The following RAB40B variants were observed in gnomAD, a reference collection of about 807,000 sequenced individuals.
RAB40B encodes ras-related protein Rab-40B.
A neutral mutation model predicts 24.0 loss-of-function variants in RAB40B; 21 were observed. The observed-to-expected ratio is 0.88, with a 90% CI of 0.62 to 1.26. RAB40B has a LOEUF of 1.26. RAB40B is among the 50% of genes most tolerant of loss of function. The pLI, the probability that RAB40B is intolerant of heterozygous loss-of-function variation, is 0.00. For missense variants in RAB40B, 348 were observed against 390.5 expected, an observed-to-expected ratio of 0.89 and a Z score of 0.92; for synonymous variants, 167 against 169.8, an observed-to-expected ratio of 0.98 and a Z score of 0.13.
intron 4 of RAB40B, chr17:82,658,914 A>G: frequency 1.8e-6 from 1 of 563,934 alleles, no homozygotes; most frequent in Non-Finnish European, 3.2e-6. Context: ...GCCCTCATCT[A>G]ATGACTGGTG....
rs1292439372 is a variant in RAB40B at position 82,675,777 on chromosome 17, T to C, written c.143-11221A>G. ...ACCTAATCATCTTCCAATAGCCCCA[T>C]CTTCTAACACCATCACCTTGGGGTT... On this transcript the variant is annotated intron_variant, in intron 1 of 5. Coordinates refer to ENST00000571995, the MANE Select transcript of RAB40B (RefSeq NM_006822.3). This position sits in a 1 kb window ranked among gnomAD's most constrained non-coding sequence, Gnocchi z 4.5. Among the ~76,000 whole-genome samples the C allele has an allele frequency of 6.6e-6, 1 of 152,162 alleles. No homozygotes were observed. The highest frequency in any genetic ancestry group is 1.5e-5 in the Non-Finnish European group (1 of 68,024).
intron 3 of RAB40B, 76 bp from the exon 4 acceptor site, chr17:82,659,733 C>A: frequency 8.8e-7 from 1 of 1,140,850 alleles, no homozygotes; most frequent in Non-Finnish European, 1.3e-6. Flanking sequence ...CAAAGACATA[C>A]AACTAAATAA....
intron 2 of RAB40B, 172 bp from the exon 3 acceptor site, chr17:82,661,219 G>T (rs770216642): frequency 2.2e-6 from 3 of 1,379,566 alleles, no homozygotes; most frequent in Non-Finnish European, 1.9e-6. Flanking sequence ...GGATCCGGGT[G>T]TTGGGATGTC....
chr17:82,658,775 A>G, intron 4 of RAB40B, 62 bp from the exon 5 acceptor site: 3 of 1,468,388 alleles, frequency 2.0e-6, no homozygotes, highest in South Asian at 2.5e-5. Flanking sequence ...TTGTCGTCGT[A>G]ATGTGGGTGC....
intron 3 of RAB40B, chr17:82,659,877 G>A (rs2046139999): frequency 1.9e-6 from 1 of 532,844 alleles, no homozygotes; most frequent in Non-Finnish European, 3.4e-6. Flanking sequence ...CTGGGGACTA[G>A]AACTCACACC....
chr17:82,670,831 C>A (rs188771682), intron 1 of RAB40B, among the ~76,000 whole-genome samples: 12 of 152,124 alleles, frequency 7.9e-5, no homozygotes, highest in Admixed American at 2.0e-4. Context: ...CCGCGCCCGG[C>A]TTCCTGATGG....
chr17:82,676,018 G>A (rs575241712), intron 1 of RAB40B, among the ~76,000 whole-genome samples: 2 of 152,208 alleles, frequency 1.3e-5, no homozygotes, highest in South Asian at 2.1e-4. Flanking sequence ...AAGCACAGAC[G>A]CTGCAGCCTG....
At position 82,680,142 on chromosome 17, in the gene RAB40B, C is replaced by T. The variant is rs573369336; in HGVS notation, c.143-15586G>A. Among the ~76,000 whole-genome samples, 17 of 152,322 alleles carry T rather than the reference C, an allele frequency of 1.1e-4. No homozygotes were observed. In the East Asian group the frequency reaches 2.1e-3, roughly 19 times the overall value. On this transcript the variant is annotated intron_variant, in intron 1 of 5. Transcript: ENST00000571995. ...CTCAGACCGGAGGCCTGGCAGGGTT[C>T]GAGGGCTCAACTCAGGCGGGCCCGG...
At chr17:82,662,332 G>A (rs576567734) in intron 2 of RAB40B, 3 of 985,496 alleles carry the variant, frequency 3.0e-6, no homozygotes, top group East Asian at 1.1e-4. Context: ...AGCTATGGTC[G>A]AGGAGGCAGC....
At chr17:82,691,198 T>G (rs2046554257) in intron 1 of RAB40B, among the ~76,000 whole-genome samples, 1 of 152,222 alleles carries the variant, frequency 6.6e-6, no homozygotes, top group Non-Finnish European at 1.5e-5. Flanking sequence ...TGAGGGTTAT[T>G]ATTATTAGCT....
Position 82,657,285 on chromosome 17 carries a change from C to A in RAB40B, c.*578G>T, listed in dbSNP as rs2046093975. ...AACTGTAGATTTACAGAAAAATATG[C>A]ATATAAATCACTTATTAATCCCAAA... On this transcript the variant is annotated 3_prime_UTR_variant, in exon 6 of 6. Coordinates refer to ENST00000571995, the MANE Select transcript of RAB40B (RefSeq NM_006822.3). 5.6e-6 allele frequency: 1 copy of A among 178,218 alleles called. No individual in the cohort carries two copies. The highest frequency in any genetic ancestry group is 1.2e-5 in the Non-Finnish European group (1 of 82,206). The allele number at this position is 178,218 out of a possible 1,614,324, so 11.0% of individuals were successfully genotyped here. A position where few individuals can be genotyped will look rare whatever the true frequency, so the allele number is the denominator to read the frequency against.
At chr17:82,678,886 T>G (rs1244393047) in intron 1 of RAB40B, among the ~76,000 whole-genome samples, 9 of 142,394 alleles carry the variant, frequency 6.3e-5, no homozygotes, top group Non-Finnish European at 9.2e-5. Flanking sequence ...TGCGTTTTTT[T>G]TTTTTTTTTT....
At chr17:82,659,843 T>C in intron 3 of RAB40B, 186 bp from the exon 4 acceptor site, 1 of 585,298 alleles carries the variant, frequency 1.7e-6, no homozygotes, top group South Asian at 1.9e-5. Context: ...AGCTCAGTGA[T>C]AAACCCTCAA....
intron 2 of RAB40B, among the ~76,000 whole-genome samples, chr17:82,662,905 CAG>C (rs1352742789): frequency 2.6e-5 from 4 of 152,160 alleles, no homozygotes; most frequent in African/African-American, 9.7e-5. Context: ...GCACTGAGCT[CAG>C]GGGCAGGCGT....
In RAB40B at chr17:82,658,600, G is replaced by C. The variant is rs370769484; in HGVS notation, c.456C>G (p.Phe152Leu). Reference sequence around the variant, plus strand: ...AATTGCACAGAGGGCTGACCTCAAAGAAGGTCACGCCCAGGCGCTCGGCGT... The same window carrying C: ...AATTGCACAGAGGGCTGACCTCAAACAAGGTCACGCCCAGGCGCTCGGCGT... ...QAYAERLGVT[F>L]FEVSPLCNFN... The change falls in exon 5 of 6, where the codon TTC becomes TTG. Residue 152 changes from phenylalanine (F) to leucine (L), a missense_variant. By Grantham distance (22) the Phe-to-Leu change is conservative. Transcript: ENST00000571995. The C allele has an allele frequency of 2.5e-6, 4 of 1,613,338 alleles. No individual in the cohort carries two copies. In the African/African-American group the frequency reaches 5.4e-5, roughly 22 times the overall value.
chr17:82,683,586 T>C (rs531754149), intron 1 of RAB40B, among the ~76,000 whole-genome samples: 2 of 152,134 alleles, frequency 1.3e-5, no homozygotes, highest in East Asian at 3.9e-4. Flanking sequence ...CCAGGATCTC[T>C]TGAGGATCTC....
intron 1 of RAB40B, among the ~76,000 whole-genome samples, chr17:82,682,083 G>A (rs144967801): frequency 1.2e-4 from 18 of 151,106 alleles, no homozygotes; most frequent in East Asian, 3.9e-4. Context: ...AAACCATCTC[G>A]ATTACCAGAT....
intron 1 of RAB40B, among the ~76,000 whole-genome samples, chr17:82,696,212 G>C (rs1352993904): frequency 1.3e-5 from 2 of 152,172 alleles, no homozygotes; most frequent in Non-Finnish European, 2.9e-5. Context: ...TCCGTGTCAA[G>C]GGAAAGCCTT....
At position 82,657,735 on chromosome 17, in the gene RAB40B, G is replaced by A; in HGVS notation, c.*128C>T. 1 of 1,111,942 alleles carries A rather than the reference G, an allele frequency of 9.0e-7. No individual in the cohort carries two copies. Among genetic ancestry groups the A allele is most frequent in the Non-Finnish European group, 1.4e-6 (1 of 726,334 alleles). 68.9% of individuals were successfully genotyped at this position (1,111,942 alleles called of 1,614,324 possible). A position where few individuals can be genotyped will look rare whatever the true frequency, so the allele number is the denominator to read the frequency against. ...GGTAGTGTGTTTCCATCACACGGAA[G>A]GCGTCGCACACATTCGCAAGCAGCA... On this transcript the variant is annotated 3_prime_UTR_variant, in exon 6 of 6. Coordinates refer to ENST00000571995, the MANE Select transcript of RAB40B (RefSeq NM_006822.3).
Sources: allele counts gnomAD v4.1 joint callset (sites outside exome capture counted in the v4.1 genomes callset), GRCh38; gene constraint gnomAD v4.1.1; non-coding constraint Gnocchi (gnomAD v3.1); transcripts MANE v1.5; gene names NCBI Gene and HGNC (gene_info 2026-07-23, HGNC 2026-07-21).